Variants in CSMD1 observed in about 807,000 individuals in gnomAD.
The protein encoded by CSMD1 is CUB and sushi domain-containing protein 1.
In CSMD1, 213 loss-of-function variants were observed where a neutral mutation model predicts 417.5. The observed-to-expected ratio is 0.51, with a 90% CI of 0.46 to 0.57. CSMD1 has a LOEUF of 0.57. Among genes scored for constraint, CSMD1 ranks in the 20% least tolerant of loss-of-function variants. The pLI, the probability that CSMD1 is intolerant of heterozygous loss-of-function variation, is 0.00. For synonymous variants in CSMD1, 2,862 were observed against 1,736.8 expected (o/e 1.65, Z -16.11); for missense variants, 6,923 against 4,529.7 (o/e 1.53, Z -15.17).
chr8:4,135,191 A>C (rs1803344320), intron 3 of CSMD1, among the ~76,000 whole-genome samples: 1 of 152,168 alleles, frequency 6.6e-6, no homozygotes, highest in African/African-American at 2.4e-5. Flanking sequence ...GCTTCCATTT[A>C]TCACTTCAGG....
At chr8:4,778,191 T>A (rs1796967619) in intron 1 of CSMD1, among the ~76,000 whole-genome samples, 1 of 152,220 alleles carries the variant, frequency 6.6e-6, no homozygotes, top group African/African-American at 2.4e-5. Flanking sequence ...TTCCATTCAT[T>A]AAAATTACTT....
chr8:3,046,295 G>A (rs936883527), intron 50 of CSMD1, among the ~76,000 whole-genome samples: 1 of 152,148 alleles, frequency 6.6e-6, no homozygotes, highest in Admixed American at 6.5e-5. Flanking sequence ...TTCAGAGGCA[G>A]GGCTTGGTGA....
chr8:3,198,004 G>A (rs1229557367), intron 33 of CSMD1, among the ~76,000 whole-genome samples: 1 of 152,166 alleles, frequency 6.6e-6, no homozygotes, highest in Non-Finnish European at 1.5e-5. Flanking sequence ...AAATATTGAG[G>A]ATGTTAGAGT....
chr8:4,949,761 T>C (rs895728484), intron 1 of CSMD1, among the ~76,000 whole-genome samples: 4 of 152,316 alleles, frequency 2.6e-5, no homozygotes, highest in South Asian at 4.1e-4. Context: ...TTCAAAAAAA[T>C]TGATATGAAG....
At chr8:4,025,045 C>A (rs975411991) in intron 4 of CSMD1, among the ~76,000 whole-genome samples, 2 of 152,090 alleles carry the variant, frequency 1.3e-5, no homozygotes, top group Admixed American at 6.6e-5. Context: ...GCAGCCGGGA[C>A]AACATCAGAC....
chr8:4,179,934 G>A (rs1798261570), intron 3 of CSMD1, among the ~76,000 whole-genome samples: 2 of 152,132 alleles, frequency 1.3e-5, no homozygotes, highest in East Asian at 3.9e-4. Context: ...AACAAAAGGT[G>A]CTGGAGAGGA....
intron 43 of CSMD1, among the ~76,000 whole-genome samples, chr8:3,109,068 C>G (rs781134222): frequency 6.6e-6 from 1 of 152,130 alleles, no homozygotes; most frequent in Non-Finnish European, 1.5e-5. Context: ...AGTTTGAGAC[C>G]AGCCTGGCCA....
intron 3 of CSMD1, among the ~76,000 whole-genome samples, chr8:4,403,849 G>C (rs1008570930): frequency 1.2e-4 from 18 of 152,034 alleles, no homozygotes; most frequent in Admixed American, 2.0e-4. Context: ...GTCTGATTGG[G>C]AATTTACATT....
intron 20 of CSMD1, among the ~76,000 whole-genome samples, chr8:3,359,894 C>T (rs1355663414): frequency 6.6e-6 from 1 of 152,088 alleles, no homozygotes; most frequent in East Asian, 1.9e-4. Flanking sequence ...AACTAGAAGA[C>T]AAGCAGACAA....
In CSMD1 at chr8:4,444,004, G is replaced by A. The variant is rs73660827; in HGVS notation, c.303-23939C>T. On this transcript the variant is annotated intron_variant, in intron 2 of 69. Coordinates refer to ENST00000635120, the MANE Select transcript of CSMD1 (RefSeq NM_033225.6). ...AAAATGTACAAACGGAGTAAGAATG[G>A]TGACATGTTAAGGAAGGAAAACACA... 4.8e-3 allele frequency among the ~76,000 whole-genome samples: 729 copies of A among 152,210 alleles called. 7 individuals are homozygous for A. The highest frequency in any genetic ancestry group is 0.017 in the African/African-American group (686 of 41,530).
At chr8:3,558,734 T>C (rs556784230) in intron 10 of CSMD1, among the ~76,000 whole-genome samples, 22 of 150,798 alleles carry the variant, frequency 1.5e-4, no homozygotes, top group Non-Finnish European at 2.9e-4. Context: ...GTACCCCGTG[T>C]TCACTCCTCC....
chr8:4,814,747 T>G (rs1051625573), intron 1 of CSMD1, among the ~76,000 whole-genome samples: 1 of 152,154 alleles, frequency 6.6e-6, no homozygotes, highest in South Asian at 2.1e-4. Flanking sequence ...TGTCCTAACA[T>G]TGAGATCATT....
At chr8:4,031,166 T>C in intron 4 of CSMD1, among the ~76,000 whole-genome samples, 1 of 152,218 alleles carries the variant, frequency 6.6e-6, no homozygotes, top group East Asian at 1.9e-4. Context: ...CAAAGTCGCT[T>C]CCACATCTTT....
At chr8:4,610,164 G>A (rs952472751) in intron 2 of CSMD1, among the ~76,000 whole-genome samples, 3 of 151,106 alleles carry the variant, frequency 2.0e-5, no homozygotes, top group African/African-American at 7.3e-5. Context: ...TTCTTCCCCT[G>A]CTTTCTTCTA....
chr8:4,498,062 G>C (rs1376334223), intron 2 of CSMD1, among the ~76,000 whole-genome samples: 2 of 152,130 alleles, frequency 1.3e-5, no homozygotes, highest in South Asian at 2.1e-4. Flanking sequence ...CCATGTGTGT[G>C]AGATACCCTG....
intron 42 of CSMD1, among the ~76,000 whole-genome samples, chr8:3,117,204 G>A (rs1401628170): frequency 1.2e-4 from 19 of 152,092 alleles, no homozygotes. Flanking sequence ...TGGAGTAGCT[G>A]GGACTACAGG....
At chr8:3,460,272 T>A (rs541426526) in intron 12 of CSMD1, among the ~76,000 whole-genome samples, 2 of 152,154 alleles carry the variant, frequency 1.3e-5, no homozygotes, top group African/African-American at 2.4e-5. Context: ...GTTGGGGAGA[T>A]ACGTGTGCAA....
intron 25 of CSMD1, among the ~76,000 whole-genome samples, chr8:3,304,990 T>C (rs1372326681): frequency 6.6e-6 from 1 of 152,206 alleles, no homozygotes; most frequent in African/African-American, 2.4e-5. Flanking sequence ...AAGTGGTTTT[T>C]ACATTACTCA....
chr8:3,954,825 C>T (rs534703763), intron 5 of CSMD1, among the ~76,000 whole-genome samples: 10 of 152,104 alleles, frequency 6.6e-5, no homozygotes, highest in Non-Finnish European at 1.3e-4. Flanking sequence ...AGCGAGCATG[C>T]GCAGTGTGGC....
Sources: gnomAD v4.1 joint callset for allele counts (sites outside exome capture counted in the v4.1 genomes callset) on GRCh38, gnomAD v4.1.1 for gene constraint, MANE v1.5 for transcripts, NCBI Gene and HGNC (gene_info 2026-07-23, HGNC 2026-07-21) for gene names.